HERC2: variants seen among roughly 807,000 people sequenced by gnomAD.
The protein encoded by HERC2 is E3 ubiquitin-protein ligase HERC2.
HERC2 carries 102 observed loss-of-function variants against 537.7 expected under a neutral mutation model. That is an observed-to-expected ratio of 0.19 (90% confidence interval 0.16 to 0.22). HERC2 has a LOEUF of 0.22. Among genes scored for constraint, HERC2 ranks in the 10% least tolerant of loss-of-function variants. The probability of loss-of-function intolerance (pLI) is 1.00; values close to 1 mark genes in which losing one functional copy is unlikely to be tolerated. For synonymous variants in HERC2, 2,224 were observed against 2,466.2 expected, an observed-to-expected ratio of 0.90 and a Z score of 2.91; for missense variants, 4,236 against 6,198.2, an observed-to-expected ratio of 0.68 and a Z score of 10.63.
intron 2 of HERC2, among the ~76,000 whole-genome samples, chr15:28,301,964 T>C (rs2076649996): frequency 6.6e-6 from 1 of 150,722 alleles, no homozygotes; most frequent in Admixed American, 6.6e-5. Context: ...CACACCCAGC[T>C]AATTTTTGTA....
chr15:28,153,604 C>A (rs1029956516), intron 69 of HERC2, among the ~76,000 whole-genome samples: 3 of 151,788 alleles, frequency 2.0e-5, no homozygotes, highest in African/African-American at 7.3e-5. Flanking sequence ...TGAGCTGAGA[C>A]TGCACCACTG....
intron 69 of HERC2, among the ~76,000 whole-genome samples, chr15:28,153,795 G>C (rs1247017171): frequency 6.6e-6 from 1 of 152,158 alleles, no homozygotes; most frequent in Non-Finnish European, 1.5e-5. Context: ...AGGAAAGTTG[G>C]CCTCGGAAAC....
intron 35 of HERC2, among the ~76,000 whole-genome samples, chr15:28,223,260 C>T (rs552334721): frequency 7.4e-4 from 113 of 152,222 alleles, no homozygotes; most frequent in African/African-American, 2.6e-3. Context: ...CCCCTTTTCC[C>T]ACTTGCTAAA....
rs2075629372 is a variant in HERC2, at chr15:28,268,421, C to G, written c.1598+44G>C. ...CTCCATCCTGTTTAGGATATGGCAA[C>G]ATAAAAGGAGAGTGTGTCCCCTACA... On this transcript the variant is annotated intron_variant, in intron 12 of 92. Coordinates refer to ENST00000261609, the MANE Select transcript of HERC2 (RefSeq NM_004667.6). This position sits in a 1 kb window ranked among gnomAD's most constrained non-coding sequence, Gnocchi z 4.7. The G allele has an allele frequency of 6.3e-7, 1 of 1,579,150 alleles. No homozygotes were observed.
chr15:28,207,977 C>G (rs565130787), intron 44 of HERC2, among the ~76,000 whole-genome samples: 1 of 152,240 alleles, frequency 6.6e-6, no homozygotes, highest in Non-Finnish European at 1.5e-5. Context: ...AGTCCCTGCT[C>G]GGCCCAAAGC....
chr15:28,149,519 C>T (rs575582815), intron 70 of HERC2, among the ~76,000 whole-genome samples: 75 of 151,004 alleles, frequency 5.0e-4, no homozygotes, highest in South Asian at 4.2e-3. Context: ...AAAACACACG[C>T]GGCTCCTAAC....
chr15:28,235,797 T>C (rs1024683031), intron 26 of HERC2, among the ~76,000 whole-genome samples: 1 of 152,188 alleles, frequency 6.6e-6, no homozygotes, highest in African/African-American at 2.4e-5. Context: ...TACCCATCAC[T>C]GCATCCTGAA....
At position 28,111,461 on chromosome 15, in the gene HERC2, G is replaced by C. The variant is rs1204660438; in HGVS notation, c.*302C>G. Reference sequence around the variant, plus strand: ...GTAAAAAGGCTTTATTCATTTTGGGGATGCTGCAATTTGGTATTTATATAA... The same window carrying C: ...GTAAAAAGGCTTTATTCATTTTGGGCATGCTGCAATTTGGTATTTATATAA... On this transcript the variant is annotated 3_prime_UTR_variant, in exon 93 of 93. Coordinates refer to ENST00000261609, the MANE Select transcript of HERC2 (RefSeq NM_004667.6). The C allele has an allele frequency of 8.1e-6, 3 of 371,850 alleles. No homozygotes were observed. Among genetic ancestry groups the C allele is most frequent in the African/African-American group, 4.1e-5 (2 of 48,330 alleles). The allele number at this position is 371,850 out of a possible 1,614,324, so 23.0% of individuals were successfully genotyped here. A position where few individuals can be genotyped will look rare whatever the true frequency, so the allele number is the denominator to read the frequency against.
chr15:28,319,709 A>G (rs1355137750), intron 2 of HERC2, among the ~76,000 whole-genome samples: 7 of 151,826 alleles, frequency 4.6e-5, no homozygotes, highest in African/African-American at 1.7e-4. Flanking sequence ...ATGGTGCTTC[A>G]CTGTATGTTT....
intron 67 of HERC2, 99 bp from the exon 68 acceptor site, chr15:28,167,926 T>C: frequency 3.0e-6 from 4 of 1,311,852 alleles, no homozygotes; most frequent in Non-Finnish European, 4.2e-6. Flanking sequence ...TAAAACTACT[T>C]GGGCTGTTTA....
At chr15:28,181,077 C>A (rs1263615929) in intron 57 of HERC2, among the ~76,000 whole-genome samples, 10 of 152,218 alleles carry the variant, frequency 6.6e-5, no homozygotes, top group Non-Finnish European at 1.2e-4. Context: ...CTCTCTGATT[C>A]TGACTCTGAC....
intron 45 of HERC2, among the ~76,000 whole-genome samples, chr15:28,204,637 T>C (rs1168881295): frequency 6.9e-6 from 1 of 145,142 alleles, no homozygotes; most frequent in South Asian, 2.2e-4. Flanking sequence ...AAAAAAAAGA[T>C]AGACTTAAAG....
intron 52 of HERC2, 71 bp downstream of exon 52, chr15:28,196,144 A>T: frequency 7.2e-7 from 1 of 1,386,580 alleles, no homozygotes; most frequent in Middle Eastern, 2.6e-4. Flanking sequence ...ACAAATTCCA[A>T]TACACTGTGG....
intron 86 of HERC2, chr15:28,117,420 C>A (rs1296299198): frequency 8.7e-6 from 6 of 687,504 alleles, no homozygotes; most frequent in Non-Finnish European, 1.6e-5. Context: ...TGAACAAACA[C>A]ACCTTCCAAC....
Position 28,115,553 on chromosome 15 carries a change from G to A in HERC2, c.13610-12C>T. 1.9e-6 allele frequency: 3 copies of A among 1,596,556 alleles called. No individual in the cohort carries two copies. The highest frequency in any genetic ancestry group is 1.7e-6 in the Non-Finnish European group (2 of 1,164,540). On this transcript the variant is annotated splice_polypyrimidine_tract_variant and intron_variant, in intron 88 of 92. Coordinates refer to ENST00000261609, the MANE Select transcript of HERC2 (RefSeq NM_004667.6). ...GCCCAGCAACACACCTGATCATTCA[G>A]GACACAAGTGACAGAGGACACTTCA...
rs1410840551 is a variant in HERC2 at position 28,245,562 on chromosome 15, TATATACACACACACAC to T, written c.3577+303_3577+318del. Among the ~76,000 whole-genome samples the T allele has an allele frequency of 3.2e-4, 20 of 62,904 alleles. 1 individual carries two copies. The highest frequency in any genetic ancestry group is 6.4e-4 in the Non-Finnish European group (18 of 27,986). The allele number at this position is 62,904 out of a possible 152,430, so 41.3% of individuals were successfully genotyped here. On this transcript the variant is annotated intron_variant, in intron 23 of 92. Transcript: ENST00000261609. ...ATGTAGTGTCAAAAAAAAAAAAAAA[TATATACACACACACAC>T]ACACACACACACACACACACACACA...
At chr15:28,300,771 C>T (rs1190583338) in intron 2 of HERC2, among the ~76,000 whole-genome samples, 1 of 110,786 alleles carries the variant, frequency 9.0e-6, no homozygotes, top group South Asian at 3.4e-4. Context: ...TTCAGTGAGC[C>T]GAGATTATGT....
Position 28,154,847 on chromosome 15 carries a change from T to C in HERC2, c.10747-2017A>G, listed in dbSNP as rs182478007. ...TTGTTACATATGTACACATGTGCCA[T>C]GTTGTTGTGCTGCACCCATTAACTC... On this transcript the variant is annotated intron_variant, in intron 69 of 92. Transcript: ENST00000261609. 2.0e-5 allele frequency among the ~76,000 whole-genome samples: 3 copies of C among 152,174 alleles called. No homozygotes were observed. The East Asian group carries it at 5.8e-4, about 29-fold the overall frequency.
In HERC2 at chr15:28,231,660, C is replaced by T. The variant is rs575846805; in HGVS notation, c.4676-1160G>A. Among the ~76,000 whole-genome samples, 890 of 152,254 alleles carry T rather than the reference C, an allele frequency of 5.8e-3. 4 individuals carry two copies. Among genetic ancestry groups the T allele is most frequent in the Non-Finnish European group, 8.1e-3 (548 of 68,020 alleles). ...AGTTTCCTCTGGACTTCCCTCCATG[C>T]ACCCTTCCCTCTGCTAATTTTAATC... On this transcript the variant is annotated intron_variant, in intron 30 of 92. Transcript: ENST00000261609.
Sources: allele counts gnomAD v4.1 joint callset (sites outside exome capture counted in the v4.1 genomes callset), GRCh38; gene constraint gnomAD v4.1.1; non-coding constraint Gnocchi (gnomAD v3.1); transcripts MANE v1.5; gene names NCBI Gene and HGNC (gene_info 2026-07-23, HGNC 2026-07-21).